NIBAN3: variants seen among roughly 807,000 people sequenced by gnomAD.
The protein encoded by NIBAN3 is protein Niban 3.
In NIBAN3, 66 loss-of-function variants were observed where a neutral mutation model predicts 76.4. The ratio of observed to expected loss-of-function variants is 0.86; its 90% CI spans 0.71 to 1.06. The LOEUF (loss-of-function observed/expected upper bound fraction) is 1.06. Among genes scored for constraint, NIBAN3 ranks in the 50% least tolerant of loss-of-function variants. The probability of loss-of-function intolerance (pLI) is 0.00; values close to 1 mark genes in which losing one functional copy is unlikely to be tolerated. For missense variants in NIBAN3, 808 were observed against 810.7 expected, an observed-to-expected ratio of 1.00 and a Z score of 0.04; for synonymous variants, 360 against 355.2, an observed-to-expected ratio of 1.01 and a Z score of -0.15.
Position 17,552,657 on chromosome 19 carries a change from G to A in NIBAN3, c.*759G>A, listed in dbSNP as rs1392278986. 2 of 152,150 alleles carry A rather than the reference G, an allele frequency of 1.3e-5. No homozygotes were observed. Among genetic ancestry groups the A allele is most frequent in the East Asian group, 1.9e-4 (1 of 5,164 alleles). 9.4% of individuals were successfully genotyped at this position (152,150 alleles called of 1,614,324 possible). ...ACAAATAAGTTTATTATGGCCAGGCGTGGCAGTGCACACCTGTAATCCCAG... is the reference window on the plus strand; with the variant it reads ...ACAAATAAGTTTATTATGGCCAGGCATGGCAGTGCACACCTGTAATCCCAG... On this transcript the variant is annotated 3_prime_UTR_variant, in exon 15 of 15. Transcript: ENST00000599164.
intron 5 of NIBAN3, among the ~76,000 whole-genome samples, chr19:17,538,384 C>T (rs1204559585): frequency 6.7e-6 from 1 of 150,034 alleles, no homozygotes; most frequent in African/African-American, 2.5e-5. Context: ...CCACTGCACT[C>T]CAGCCTGGGC....
chr19:17,537,571 G>C, intron 5 of NIBAN3, 28 bp downstream of exon 5: 1 of 1,547,134 alleles, frequency 6.5e-7, no homozygotes, highest in Non-Finnish European at 8.7e-7. Context: ...TCAGACATTT[G>C]TGGGGCTAAT....
rs144336751 is a variant in NIBAN3, at chr19:17,552,913, AAAATAAATAAATAAAT to A, written c.*1043_*1058del. ...GTGAAACCTGTCTCTACTAAAAAAT[AAAATAAATAAATAAAT>A]AAATAAATAAATAAATAAATAAATA... On this transcript the variant is annotated 3_prime_UTR_variant, in exon 15 of 15. Coordinates refer to ENST00000599164, the MANE Select transcript of NIBAN3 (RefSeq NM_001321827.2). 67,884 of 144,738 alleles carry A rather than the reference AAAATAAATAAATAAAT, an allele frequency of 0.47. 17,180 individuals are homozygous for A. The highest frequency in any genetic ancestry group is 0.58 in the Middle Eastern group (167 of 288). 9.0% of individuals were successfully genotyped at this position (144,738 alleles called of 1,614,324 possible).
intron 2 of NIBAN3, 66 bp from the exon 3 acceptor site, chr19:17,532,197 G>C (rs2075738850): frequency 2.6e-6 from 4 of 1,541,414 alleles, no homozygotes; most frequent in Non-Finnish European, 3.5e-6. Context: ...GCGGGTGTCT[G>C]GGTGGTCGGG....
chr19:17,542,000 T>G (rs2075961618), intron 9 of NIBAN3, 136 bp from the exon 10 acceptor site: 20 of 1,080,880 alleles, frequency 1.9e-5, no homozygotes, highest in East Asian at 4.9e-5. Context: ...TATTGTATTA[T>G]GAGTTTCTTT....
chr19:17,538,289 G>A (rs1361676527), intron 5 of NIBAN3, among the ~76,000 whole-genome samples: 5 of 150,424 alleles, frequency 3.3e-5, no homozygotes, highest in East Asian at 2.0e-4. Flanking sequence ...GGTGGCAGGC[G>A]CCTGTAGTCC....
At chr19:17,553,761 G>A (rs1293681024), downstream of NIBAN3, 3 of 579,328 alleles carry the variant, frequency 5.2e-6, no homozygotes, top group African/African-American at 3.7e-5. Flanking sequence ...TTTGCCCTTG[G>A]GTCTAAATCC....
chr19:17,544,803 G>A (rs1289515603), intron 12 of NIBAN3, among the ~76,000 whole-genome samples: 3 of 152,186 alleles, frequency 2.0e-5, no homozygotes, highest in Non-Finnish European at 4.4e-5. Flanking sequence ...TGGGAATTGG[G>A]GAAGTCTCAG....
At chr19:17,554,257 A>T (rs1231635281), downstream of NIBAN3, among the ~76,000 whole-genome samples, 12 of 152,032 alleles carry the variant, frequency 7.9e-5, no homozygotes, top group East Asian at 2.3e-3. Flanking sequence ...AAGGGGGAGG[A>T]TTACTTGAGA....
intron 5 of NIBAN3, among the ~76,000 whole-genome samples, chr19:17,537,999 C>G (rs1361013479): frequency 1.3e-5 from 2 of 151,798 alleles, no homozygotes; most frequent in Admixed American, 6.6e-5. Context: ...CCAGAAGGGA[C>G]ACCAGGCAGT....
At chr19:17,544,821 ACT>A (rs1485024045) in intron 12 of NIBAN3, among the ~76,000 whole-genome samples, 1 of 152,156 alleles carries the variant, frequency 6.6e-6, no homozygotes, top group Non-Finnish European at 1.5e-5. Context: ...CAGCTGAGAC[ACT>A]CATACTATTC....
At position 17,540,568 on chromosome 19, in the gene NIBAN3, C is replaced by A. The variant is rs376551112; in HGVS notation, c.1156C>A (p.Arg386=). ...CCTGCGCCAGAGCCCCTCAGGCACG[C>A]GGCTGCGCAGGGAGGTGAGCTCCCG... ...HRLRQSPSGT[R]LRREVYSFGE... Residue 386 remains arginine (R), a synonymous_variant, in exon 9 of 15, where the codon CGG becomes AGG. Coordinates refer to ENST00000599164, the MANE Select transcript of NIBAN3 (RefSeq NM_001321827.2). The A allele has an allele frequency of 7.8e-5, 119 of 1,518,442 alleles. No individual in the cohort carries two copies. Among genetic ancestry groups the A allele is most frequent in the Non-Finnish European group, 9.7e-5 (110 of 1,130,606 alleles). The allele number at this position is 1,518,442 out of a possible 1,614,324, so 94.1% of individuals were successfully genotyped here. A position where few individuals can be genotyped will look rare whatever the true frequency, so the allele number is the denominator to read the frequency against.
Position 17,551,793 on chromosome 19 carries a change from A to G in NIBAN3, c.1758A>G (p.Glu586=). 1 of 779,352 alleles carries G rather than the reference A, an allele frequency of 1.3e-6. No individual in the cohort carries two copies. The highest frequency in any genetic ancestry group is 1.7e-5 in the African/African-American group (1 of 59,232). The allele number at this position is 779,352 out of a possible 1,614,324, so 48.3% of individuals were successfully genotyped here. The part of the protein sequence containing the change: ...VPWEQEGADE[E]TEAEREGGAC... ...ATATTTTCCATTATACAGATGAGGA[A>G]ACTGAGGCTGAGCGGGAAGGAGGGG... The change falls in exon 15 of 15, where the codon GAA becomes GAG. Residue 586 remains glutamate, a synonymous_variant. Transcript: ENST00000599164.
In NIBAN3 at chr19:17,551,828, G is replaced by A. The variant is rs368447158; in HGVS notation, c.1793G>A (p.Arg598Lys). The change falls in exon 15 of 15, where the codon AGG becomes AAG. Residue 598 changes from arginine to lysine, a missense_variant. Arg to Lys is a conservative substitution (Grantham distance 26). Transcript: ENST00000599164. The part of the protein sequence containing the change: ...EAEREGGACP[R>K]QPDSGAQIQP... Reference sequence around the variant, plus strand: ...GAGCGGGAAGGAGGGGCTTGTCCCAGGCAGCCAGACTCTGGTGCCCAGATC... The same window carrying A: ...GAGCGGGAAGGAGGGGCTTGTCCCAAGCAGCCAGACTCTGGTGCCCAGATC... The A allele has an allele frequency of 8.6e-5, 67 of 780,212 alleles. No individual in the cohort carries two copies. The highest frequency in any genetic ancestry group is 3.4e-4 in the East Asian group (14 of 41,250). The allele number at this position is 780,212 out of a possible 1,614,324, so 48.3% of individuals were successfully genotyped here. A position where few individuals can be genotyped will look rare whatever the true frequency, so the allele number is the denominator to read the frequency against.
At chr19:17,538,852 G>A (rs1410976323) in intron 5 of NIBAN3, among the ~76,000 whole-genome samples, 3 of 152,136 alleles carry the variant, frequency 2.0e-5, no homozygotes, top group African/African-American at 7.2e-5. Context: ...CACACAGTTG[G>A]GCAGGTTGTT....
intron 13 of NIBAN3, among the ~76,000 whole-genome samples, chr19:17,547,776 T>C (rs1237169469): frequency 6.6e-6 from 1 of 152,006 alleles, no homozygotes; most frequent in African/African-American, 2.4e-5. Flanking sequence ...CAAGCCATTC[T>C]CCTGTCTCAG....
Position 17,542,019 on chromosome 19 carries a change from C to A in NIBAN3, c.1171-117C>A. The stretch of plus-strand genomic sequence containing the variant: ...GTATTATGAGTTTCTTTGGTGACAG[C>A]TGAGACGGGATGTATTTTCATTTGT... On this transcript the variant is annotated intron_variant, in intron 9 of 14. Transcript: ENST00000599164. This position sits in a 1 kb window ranked among gnomAD's most constrained non-coding sequence, Gnocchi z 4.8. The A allele has an allele frequency of 7.9e-7, 1 of 1,268,642 alleles. No individual in the cohort carries two copies. Among genetic ancestry groups the A allele is most frequent in the Non-Finnish European group, 1.1e-6 (1 of 884,216 alleles). The allele number at this position is 1,268,642 out of a possible 1,614,324, so 78.6% of individuals were successfully genotyped here. A position where few individuals can be genotyped will look rare whatever the true frequency, so the allele number is the denominator to read the frequency against.
At chr19:17,540,016 C>T (rs1257981909) in intron 8 of NIBAN3, 3 of 474,150 alleles carry the variant, frequency 6.3e-6, no homozygotes, top group Non-Finnish European at 1.1e-5. Context: ...AAACCAGGTC[C>T]TAAGGGGGCT....
At chr19:17,530,048 C>T (rs935293322) in intron 1 of NIBAN3, among the ~76,000 whole-genome samples, 1 of 144,784 alleles carries the variant, frequency 6.9e-6, no homozygotes, top group African/African-American at 2.7e-5. Flanking sequence ...GGGACAGACA[C>T]CCTGTCTCAA....
Sources: allele counts gnomAD v4.1 joint callset (sites outside exome capture counted in the v4.1 genomes callset), GRCh38; gene constraint gnomAD v4.1.1; non-coding constraint Gnocchi (gnomAD v3.1); transcripts MANE v1.5; gene names NCBI Gene and HGNC (gene_info 2026-07-23, HGNC 2026-07-21).